Variants in PRTG observed in about 807,000 individuals in gnomAD.
PRTG encodes the protein immunoglobulin superfamily, DCC subclass, member 5.
Under a neutral mutation model 122.5 loss-of-function variants are expected in PRTG, and 67 were observed. That is an observed-to-expected ratio of 0.55 (90% CI 0.45 to 0.67). The LOEUF (loss-of-function observed/expected upper bound fraction) is 0.67, where lower values mean the gene tolerates loss of function less well. Ranked by LOEUF, PRTG falls within the 30% of genes least tolerant of loss-of-function variation. The pLI, the probability that PRTG is intolerant of heterozygous loss-of-function variation, is 0.00. For synonymous variants in PRTG, 554 were observed against 501.1 expected (o/e 1.11, Z -1.41); for missense variants, 1,435 against 1,415.4 (o/e 1.01, Z -0.22).
intron 2 of PRTG, among the ~76,000 whole-genome samples, chr15:55,731,191 A>C (rs2031217926): frequency 6.6e-6 from 1 of 151,834 alleles, no homozygotes; most frequent in South Asian, 2.1e-4. Context: ...AAAAACTTCT[A>C]ATTGTTAGCT....
chr15:55,732,697 T>C (rs1302536574), intron 2 of PRTG, among the ~76,000 whole-genome samples: 2 of 151,976 alleles, frequency 1.3e-5, no homozygotes, highest in East Asian at 2.0e-4. Flanking sequence ...TTTCTCCATG[T>C]TGGTCAGGCT....
chr15:55,719,392 T>C (rs182701341), intron 2 of PRTG, among the ~76,000 whole-genome samples: 62 of 152,278 alleles, frequency 4.1e-4, no homozygotes, highest in Admixed American at 2.7e-3. Flanking sequence ...TCTAGAAGAG[T>C]ATATTTTGAG....
In PRTG at chr15:55,619,883, T is replaced by G; in HGVS notation, c.*129A>C. On this transcript the variant is annotated 3_prime_UTR_variant, in exon 20 of 20. Transcript: ENST00000389286. ...CGTCTAGATTGGAAAATCATTTTTA[T>G]CAAAGCATAGCATGGCAGATGGCGG... 1 of 1,470,724 alleles carries G rather than the reference T, an allele frequency of 6.8e-7. No homozygotes were observed. The highest frequency in any genetic ancestry group is 9.1e-7 in the Non-Finnish European group (1 of 1,096,750). 91.1% of individuals were successfully genotyped at this position (1,470,724 alleles called of 1,614,324 possible).
At chr15:55,736,065 CT>C (rs1200727110) in intron 2 of PRTG, among the ~76,000 whole-genome samples, 2 of 152,172 alleles carry the variant, frequency 1.3e-5, no homozygotes, top group Non-Finnish European at 2.9e-5. Flanking sequence ...TCAACTGAAC[CT>C]TATCTACAGT....
chr15:55,685,559 T>A (rs2059565768), intron 2 of PRTG, among the ~76,000 whole-genome samples: 2 of 152,156 alleles, frequency 1.3e-5, no homozygotes, highest in South Asian at 4.1e-4. Flanking sequence ...GGCAGACACA[T>A]ATGAGAACCC....
At chr15:55,718,981 G>C (rs2030709120) in intron 2 of PRTG, among the ~76,000 whole-genome samples, 1 of 152,060 alleles carries the variant, frequency 6.6e-6, no homozygotes. Context: ...CTGACCTCAG[G>C]TACTCTGCCC....
intron 8 of PRTG, among the ~76,000 whole-genome samples, chr15:55,677,212 A>G (rs1276265331): frequency 6.6e-6 from 1 of 152,168 alleles, no homozygotes; most frequent in East Asian, 1.9e-4. Flanking sequence ...CTGAACAAAA[A>G]TTGGAAGACA....
At chr15:55,683,275 G>C (rs993100868) in intron 3 of PRTG, among the ~76,000 whole-genome samples, 2 of 151,992 alleles carry the variant, frequency 1.3e-5, no homozygotes, top group East Asian at 3.9e-4. Context: ...CTCAGGAGCA[G>C]GGCAGGAATC....
chr15:55,671,190 C>G (rs996671927), intron 11 of PRTG, among the ~76,000 whole-genome samples: 2 of 152,208 alleles, frequency 1.3e-5, no homozygotes, highest in African/African-American at 4.8e-5. Context: ...GCTGCTCACA[C>G]AGCCTGTGCT....
intron 13 of PRTG, 121 bp from the exon 14 acceptor site, chr15:55,638,797 T>G (rs1317633127): frequency 5.0e-6 from 4 of 796,354 alleles, no homozygotes; most frequent in African/African-American, 3.6e-5. Flanking sequence ...TTATTTTATA[T>G]GAAAAAATGT....
At chr15:55,702,847 G>A (rs887474751) in intron 2 of PRTG, 1 of 932,334 alleles carries the variant, frequency 1.1e-6, no homozygotes, top group Non-Finnish European at 1.3e-6. Context: ...CTAACCCTCT[G>A]CCTCTTGATG....
At chr15:55,723,493 A>G (rs567116887) in intron 2 of PRTG, among the ~76,000 whole-genome samples, 66 of 152,142 alleles carry the variant, frequency 4.3e-4, no homozygotes, top group African/African-American at 1.5e-3. Flanking sequence ...GGAAAAAGAA[A>G]GAGAAAGAGG....
intron 4 of PRTG, 44 bp downstream of exon 4, chr15:55,682,320 C>A: frequency 6.8e-7 from 1 of 1,465,940 alleles, no homozygotes; most frequent in South Asian, 1.5e-5. Context: ...AACAACTGCG[C>A]CAATAAAACG....
At chr15:55,688,522 C>T (rs2059582914) in intron 2 of PRTG, among the ~76,000 whole-genome samples, 1 of 152,158 alleles carries the variant, frequency 6.6e-6, no homozygotes, top group African/African-American at 2.4e-5. Flanking sequence ...GTGCACTGGA[C>T]ATCTTCGCCT....
At chr15:55,629,375 ATGTGTGTGTGTGTGTGTGTGTG>A (rs59080250) in intron 15 of PRTG, among the ~76,000 whole-genome samples, 20 of 47,934 alleles carry the variant, frequency 4.2e-4, no homozygotes, top group South Asian at 1.5e-3. Flanking sequence ...ATATATATAT[ATGTGTGTGTGTGTGTGTGTGTG>A]TGTGTGTGTG....
Position 55,628,808 on chromosome 15 carries a change from G to A in PRTG, c.2806+14C>T, listed in dbSNP as rs770662189. 8 of 1,592,014 alleles carry A rather than the reference G, an allele frequency of 5.0e-6. No homozygotes were observed. The highest frequency in any genetic ancestry group is 2.2e-5 in the East Asian group (1 of 44,738). On this transcript the variant is annotated intron_variant, in intron 16 of 19. Coordinates refer to ENST00000389286, the MANE Select transcript of PRTG (RefSeq NM_173814.6). ...TCTTAAGAAAAATCACAGTGACTAC[G>A]GCAGTATACAGACCTTTGGCATCAG...
chr15:55,655,443 C>T (rs533751656), intron 11 of PRTG: 2 of 152,124 alleles, frequency 1.3e-5, no homozygotes, highest in African/African-American at 4.8e-5. Flanking sequence ...ATCTAGGTTT[C>T]TTATATTCAA....
chr15:55,672,350 A>G (rs1158629390), intron 11 of PRTG, 95 bp downstream of exon 11: 2 of 951,956 alleles, frequency 2.1e-6, no homozygotes, highest in Non-Finnish European at 3.2e-6. Flanking sequence ...TCTTTGTACC[A>G]TTAAGTAAGT....
intron 11 of PRTG, among the ~76,000 whole-genome samples, chr15:55,647,815 C>T (rs150292070): frequency 9.5e-4 from 145 of 152,254 alleles, no homozygotes; most frequent in African/African-American, 2.1e-3. Flanking sequence ...ACAGAATATC[C>T]GCAAATTAGC....
Sources: allele counts gnomAD v4.1 joint callset (sites outside exome capture counted in the v4.1 genomes callset), GRCh38; gene constraint gnomAD v4.1.1; transcripts MANE v1.5; gene names NCBI Gene and HGNC (gene_info 2026-07-23, HGNC 2026-07-21).